Variants in TENM2 observed in about 807,000 individuals in gnomAD.
TENM2 encodes teneurin transmembrane protein 2, also known as teneurin-2.
Under a neutral mutation model 245.2 loss-of-function variants are expected in TENM2, and 52 were observed. The observed-to-expected ratio is 0.21, with a 90% CI of 0.17 to 0.27. The LOEUF is 0.27. TENM2 is among the 10% of genes least tolerant of loss of function. The pLI is 1.00. For missense variants in TENM2, 3,046 were observed against 3,666.8 expected (o/e 0.83, Z 4.37); for synonymous variants, 1,363 against 1,438.9 (o/e 0.95, Z 1.19).
intron 5 of TENM2, among the ~76,000 whole-genome samples, chr5:167,997,162 G>C (rs985141611): frequency 2.6e-5 from 4 of 152,192 alleles, no homozygotes; most frequent in African/African-American, 9.7e-5. Context: ...CCGAGGCCCA[G>C]AGAGTCTAAA....
chr5:167,433,037 C>CT (rs1764341305), intron 2 of TENM2, among the ~76,000 whole-genome samples: 1 of 151,976 alleles, frequency 6.6e-6, no homozygotes, highest in African/African-American at 2.4e-5. Context: ...TTTCTGTTTT[C>CT]TTTTGCTCTG....
intron 2 of TENM2, among the ~76,000 whole-genome samples, chr5:167,872,528 GAAAGAAAGAAAGAAAGAAAGAGAA>G (rs767193540): frequency 6.5e-4 from 33 of 51,048 alleles, no homozygotes; most frequent in African/African-American, 1.2e-3. Context: ...AAGAAAGAAA[GAAAGAAAGAAAGAAAGAAAGAGAA>G]AGAAAGAAAG....
intron 4 of TENM2, among the ~76,000 whole-genome samples, chr5:167,984,179 T>G (rs1364257890): frequency 6.6e-6 from 1 of 152,196 alleles, no homozygotes; most frequent in African/African-American, 2.4e-5. Context: ...AGTCTAGGAT[T>G]TGCAGACTTA....
intron 2 of TENM2, among the ~76,000 whole-genome samples, chr5:167,511,057 T>A (rs771498617): frequency 2.0e-5 from 3 of 152,166 alleles, no homozygotes; most frequent in African/African-American, 7.2e-5. Flanking sequence ...CTACATTTTA[T>A]CCTATGCCAT....
At chr5:167,226,314 G>A in the TENM2 span, among the ~76,000 whole-genome samples, 1 of 151,500 alleles carries the variant, frequency 6.6e-6, no homozygotes, top group East Asian at 1.9e-4. Flanking sequence ...CAATTCTTTT[G>A]CCCTAACCCA....
chr5:168,142,130 A>G (rs111383338), intron 12 of TENM2, among the ~76,000 whole-genome samples: 13 of 152,242 alleles, frequency 8.5e-5, no homozygotes, highest in African/African-American at 2.9e-4. Context: ...CCATCAGGTG[A>G]AATTAACTCC....
intron 27 of TENM2, among the ~76,000 whole-genome samples, chr5:168,257,450 G>C (rs994125965): frequency 6.6e-6 from 1 of 152,134 alleles, no homozygotes; most frequent in Non-Finnish European, 1.5e-5. Context: ...CATATTCAAA[G>C]AACAGCACAG....
At chr5:167,841,357 G>A (rs528845888) in intron 2 of TENM2, among the ~76,000 whole-genome samples, 5 of 151,968 alleles carry the variant, frequency 3.3e-5, no homozygotes, top group African/African-American at 4.8e-5. Flanking sequence ...ACACCCTGCC[G>A]TCATTCTCAT....
intron 2 of TENM2, among the ~76,000 whole-genome samples, chr5:167,537,545 A>T (rs1208533588): frequency 6.6e-6 from 1 of 152,236 alleles, no homozygotes. Context: ...AACCTAGTCT[A>T]TCAGGAAGAG....
At chr5:168,072,533 A>T (rs1010814108) in intron 7 of TENM2, among the ~76,000 whole-genome samples, 1 of 152,126 alleles carries the variant, frequency 6.6e-6, no homozygotes, top group Non-Finnish European at 1.5e-5. Context: ...CTTTAAGGAG[A>T]TGGAGACCTG....
At chr5:166,987,641 T>G in the TENM2 span, among the ~76,000 whole-genome samples, 2 of 152,158 alleles carry the variant, frequency 1.3e-5, no homozygotes, top group African/African-American at 4.8e-5. Context: ...CAGATCATTG[T>G]TCACATCTGG....
intron 27 of TENM2, among the ~76,000 whole-genome samples, chr5:168,259,457 GC>G: frequency 6.6e-6 from 1 of 152,062 alleles, no homozygotes; most frequent in East Asian, 1.9e-4. Context: ...GTGTGGTGGC[GC>G]ATGCCTGTAA....
chr5:167,652,380 TC>T (rs1299779601), intron 2 of TENM2, among the ~76,000 whole-genome samples: 1 of 152,202 alleles, frequency 6.6e-6, no homozygotes, highest in East Asian at 1.9e-4. Flanking sequence ...CCTTGCTTTT[TC>T]TTCTTCTTTA....
At chr5:167,413,706 A>C (rs1270138674) in intron 2 of TENM2, among the ~76,000 whole-genome samples, 1 of 152,132 alleles carries the variant, frequency 6.6e-6, no homozygotes, top group African/African-American at 2.4e-5. Flanking sequence ...GGCTGAGTAT[A>C]AAATCATAAA....
chr5:168,066,628 G>A (rs1052986261), intron 7 of TENM2, among the ~76,000 whole-genome samples: 3 of 152,040 alleles, frequency 2.0e-5, no homozygotes, highest in Non-Finnish European at 4.4e-5. Context: ...TTAAAGGTAG[G>A]TATTATATAT....
At chr5:167,982,382 ATT>A (rs1782909774) in intron 4 of TENM2, among the ~76,000 whole-genome samples, 1 of 152,174 alleles carries the variant, frequency 6.6e-6, no homozygotes, top group Non-Finnish European at 1.5e-5. Context: ...TGTGATATAT[ATT>A]CCATGCTCAA....
At chr5:167,673,742 C>CT (rs1164366357) in intron 2 of TENM2, among the ~76,000 whole-genome samples, 1 of 151,540 alleles carries the variant, frequency 6.6e-6, no homozygotes, top group East Asian at 2.0e-4. Context: ...CTAGGGACAC[C>CT]TTTTCTCCAA....
At chr5:167,412,782 A>G (rs942870878) in intron 2 of TENM2, among the ~76,000 whole-genome samples, 1 of 151,812 alleles carries the variant, frequency 6.6e-6, no homozygotes, top group Non-Finnish European at 1.5e-5. Flanking sequence ...TCCCTTTGAA[A>G]TGTTTTGTCA....
chr5:168,012,587 G>T (rs1785304415), intron 5 of TENM2, among the ~76,000 whole-genome samples: 1 of 149,142 alleles, frequency 6.7e-6, no homozygotes, highest in South Asian at 2.1e-4. Context: ...GGTTGATTCT[G>T]CCATGAGCCA....
Sources: allele counts gnomAD v4.1 joint callset (sites outside exome capture counted in the v4.1 genomes callset), GRCh38; gene constraint gnomAD v4.1.1; transcripts MANE v1.5; gene names NCBI Gene and HGNC (gene_info 2026-07-23, HGNC 2026-07-21).